Variants in AMZ2 observed in about 807,000 individuals in gnomAD.
The protein encoded by AMZ2 is archaemetzincin-2.
AMZ2 carries 26 observed loss-of-function variants against 36.7 expected under a neutral mutation model. The ratio of observed to expected loss-of-function variants is 0.71; its 90% CI spans 0.52 to 0.98. The LOEUF (loss-of-function observed/expected upper bound fraction) is 0.98. Ranked by LOEUF, AMZ2 falls within the 50% of genes least tolerant of loss-of-function variation. AMZ2 has a pLI of 0.00. For synonymous variants in AMZ2, 144 were observed against 149.1 expected (o/e 0.97, Z 0.25); for missense variants, 394 against 430.5 (o/e 0.92, Z 0.75).
chr17:68,246,719 GA>G (rs2074030123), upstream of AMZ2: 1 of 152,138 alleles, frequency 6.6e-6, no homozygotes, highest in South Asian at 2.1e-4. Context: ...CATGATCCAG[GA>G]GAGTGAACAA....
chr17:68,207,313 A>AACCC (rs2072865347), intron 1 of AMZ2: 5 of 110,646 alleles, frequency 4.5e-5, no homozygotes, highest in African/African-American at 6.9e-5. Flanking sequence ...TTTGTTAAAT[A>AACCC]CCCCCCCCCC....
At chr17:68,227,552 T>C (rs36078460) in intron 1 of AMZ2, among the ~76,000 whole-genome samples, 14,463 of 152,268 alleles carry the variant, frequency 0.095, 930 homozygotes, top group Middle Eastern at 0.19. Flanking sequence ...AATCTGTTCC[T>C]GGTCTCTTCC....
intron 1 of AMZ2, among the ~76,000 whole-genome samples, chr17:68,230,349 C>T (rs1203408008): frequency 1.3e-5 from 2 of 152,228 alleles, no homozygotes; most frequent in East Asian, 3.9e-4. Flanking sequence ...GCTGGGATTA[C>T]AGGCATGAGC....
At chr17:68,244,860 T>A (rs2073969592), upstream of AMZ2, among the ~76,000 whole-genome samples, 1 of 152,374 alleles carries the variant, frequency 6.6e-6, no homozygotes, top group Non-Finnish European at 1.5e-5. Context: ...TTCAGTAAAG[T>A]TGAACACATG....
chr17:68,211,718 ATATATGTATATGTATATATGTG>A (rs2073054591), intron 1 of AMZ2, among the ~76,000 whole-genome samples: 1 of 146,296 alleles, frequency 6.8e-6, no homozygotes, highest in South Asian at 2.1e-4. Context: ...GTATATGTAT[ATATATGTATATGTATATATGTG>A]TATATGTATA....
At chr17:68,213,654 G>A (rs1411382251) in intron 1 of AMZ2, among the ~76,000 whole-genome samples, 1 of 152,204 alleles carries the variant, frequency 6.6e-6, no homozygotes, top group Non-Finnish European at 1.5e-5. Context: ...TTTTTGGTGG[G>A]CGTTTTCAAT....
At chr17:68,244,329 C>T (rs1175569892), upstream of AMZ2, among the ~76,000 whole-genome samples, 2 of 152,204 alleles carry the variant, frequency 1.3e-5, no homozygotes, top group African/African-American at 4.8e-5. Flanking sequence ...CTCTGTTGCC[C>T]AGGCTGGAGT....
At chr17:68,228,163 T>C (rs2073564718) in intron 1 of AMZ2, among the ~76,000 whole-genome samples, 1 of 152,114 alleles carries the variant, frequency 6.6e-6, no homozygotes, top group Non-Finnish European at 1.5e-5. Context: ...AGACTTCCTA[T>C]TTCTGCCCAC....
intron 1 of AMZ2, among the ~76,000 whole-genome samples, chr17:68,241,826 G>A (rs2073906611): frequency 6.6e-6 from 1 of 151,480 alleles, no homozygotes. Context: ...CCAGGTTCAA[G>A]CGATTCTCCT....
intron 1 of AMZ2, among the ~76,000 whole-genome samples, chr17:68,223,750 C>T (rs2073430183): frequency 6.7e-6 from 1 of 149,932 alleles, no homozygotes; most frequent in South Asian, 2.1e-4. Context: ...GAGTCACGCT[C>T]TGTCACCCAG....
chr17:68,249,039 AG>A, intron 1 of AMZ2: 1 of 1,181,522 alleles, frequency 8.5e-7, no homozygotes, highest in Non-Finnish European at 1.0e-6. Flanking sequence ...GACCCATTCA[AG>A]AGGAAGGATG....
chr17:68,250,124 G>A, intron 1 of AMZ2, 64 bp from the exon 2 acceptor site: 1 of 1,512,370 alleles, frequency 6.6e-7, no homozygotes, highest in Non-Finnish European at 8.9e-7. Flanking sequence ...AAATATAGAG[G>A]ATAGGTAAAG....
chr17:68,249,702 A>AGTGGCACTCCAT (rs2074298251), intron 1 of AMZ2: 1 of 154,180 alleles, frequency 6.5e-6, no homozygotes, highest in Non-Finnish European at 1.4e-5. Flanking sequence ...GCTGGAGTGC[A>AGTGGCACTCCAT]GTGGCACAGT....
intron 1 of AMZ2, among the ~76,000 whole-genome samples, chr17:68,224,407 G>A (rs1188230290): frequency 6.6e-6 from 1 of 152,220 alleles, no homozygotes; most frequent in African/African-American, 2.4e-5. Context: ...GAGCTGTGTG[G>A]CCTTAGGCAA....
At position 68,254,519 on chromosome 17, in the gene AMZ2, CTATTA is replaced by C. The variant is rs1555741711; in HGVS notation, c.707_711del (p.Tyr236SerfsTer5). On this transcript the variant is annotated frameshift_variant, in exon 5 of 7. Transcript: ENST00000359904. LOFTEE classifies it high-confidence loss of function. Reference sequence around the variant, plus strand: ...CAAGTGACTATTCAATTTTCGACAACTATTATATTCCAGAAATAACTAGTGTTTTA... The same window carrying C: ...CAAGTGACTATTCAATTTTCGACAACTATTCCAGAAATAACTAGTGTTTTA... 4 of 1,613,202 alleles carry C rather than the reference CTATTA, an allele frequency of 2.5e-6. No homozygotes were observed. Among genetic ancestry groups the C allele is most frequent in the Non-Finnish European group, 3.4e-6 (4 of 1,179,446 alleles).
At chr17:68,239,341 C>T (rs2144637490) in intron 1 of AMZ2, among the ~76,000 whole-genome samples, 1 of 152,206 alleles carries the variant, frequency 6.6e-6, no homozygotes, top group Non-Finnish European at 1.5e-5. Context: ...GGTCTGTGAC[C>T]CCAAATTACC....
At chr17:68,209,610 GTATA>G (rs71142140) in intron 1 of AMZ2, among the ~76,000 whole-genome samples, 29 of 108,802 alleles carry the variant, frequency 2.7e-4, no homozygotes, top group Middle Eastern at 5.0e-3. Flanking sequence ...GTGTGTATAT[GTATA>G]TATATATATA....
intron 1 of AMZ2, among the ~76,000 whole-genome samples, chr17:68,232,771 G>C (rs1305242264): frequency 1.3e-5 from 2 of 151,954 alleles, no homozygotes; most frequent in South Asian, 2.1e-4. Flanking sequence ...TTGAACCTAG[G>C]GGGTGGAGGT....
intron 1 of AMZ2, among the ~76,000 whole-genome samples, chr17:68,212,047 G>A (rs1295124992): frequency 1.3e-5 from 2 of 151,664 alleles, no homozygotes; most frequent in African/African-American, 4.8e-5. Context: ...ATGCAAAATG[G>A]CTTGCTGATT....
Sources: gnomAD v4.1 joint callset for allele counts (sites outside exome capture counted in the v4.1 genomes callset) on GRCh38, gnomAD v4.1.1 for gene constraint, MANE v1.5 for transcripts, NCBI Gene and HGNC (gene_info 2026-07-23, HGNC 2026-07-21) for gene names.